The following FOCAD variants were observed in gnomAD, a reference collection of about 807,000 sequenced individuals.
FOCAD encodes the protein KIAA1797.
In FOCAD, 198 loss-of-function variants were observed where a neutral mutation model predicts 225.6. The ratio of observed to expected loss-of-function variants is 0.88; its 90% CI spans 0.78 to 0.99. The LOEUF (loss-of-function observed/expected upper bound fraction) is 0.99, where lower values mean the gene tolerates loss of function less well. Ranked by LOEUF, FOCAD falls within the 50% of genes least tolerant of loss-of-function variation. The probability of loss-of-function intolerance (pLI) is 0.00; values close to 1 mark genes in which losing one functional copy is unlikely to be tolerated. For synonymous variants in FOCAD, 897 were observed against 755.0 expected, an observed-to-expected ratio of 1.19 and a Z score of -3.08; for missense variants, 2,713 against 2,123.6, an observed-to-expected ratio of 1.28 and a Z score of -5.46.
intron 4 of FOCAD, among the ~76,000 whole-genome samples, chr9:20,730,522 C>T (rs948627759): frequency 2.6e-5 from 4 of 152,060 alleles, no homozygotes; most frequent in Non-Finnish European, 4.4e-5. Flanking sequence ...TCCTCTTCTC[C>T]TCTATTTTTA....
intron 19 of FOCAD, among the ~76,000 whole-genome samples, chr9:20,876,703 G>A (rs1830257409): frequency 6.6e-6 from 1 of 152,138 alleles, no homozygotes; most frequent in Admixed American, 6.6e-5. Context: ...AGTATAAAAA[G>A]TGTCCCTTTG....
intron 3 of FOCAD, 102 bp downstream of exon 3, chr9:20,717,970 A>G: frequency 1.2e-6 from 1 of 862,720 alleles, no homozygotes; most frequent in Non-Finnish European, 1.8e-6. Context: ...AGATCACAGT[A>G]GAAATGCTTT....
rs981072667 is a variant in FOCAD at position 20,883,211 on chromosome 9, A to T, written c.2503+1155A>T. ...AAAGAAGTCACTCTCTTTGGAAAAT[A>T]TCAATTCTAACTGGCCTACATGAAA... On this transcript the variant is annotated intron_variant, in intron 20 of 43. Transcript: ENST00000338382. Among the ~76,000 whole-genome samples, 75 of 152,226 alleles carry T rather than the reference A, an allele frequency of 4.9e-4. 4 individuals are homozygous for T. Among genetic ancestry groups the T allele is most frequent in the Non-Finnish European group, 1.3e-4 (9 of 68,038 alleles).
chr9:20,939,150 C>CAAAAAAAAAAAAGAAAAAAAAAAAAAA (rs1836359691), intron 28 of FOCAD, among the ~76,000 whole-genome samples: 1 of 72,498 alleles, frequency 1.4e-5, no homozygotes, highest in Non-Finnish European at 2.7e-5. Flanking sequence ...ACTCTCTTCT[C>CAAAAAAAAAAAAGAAAAAAAAAAAAAA]AAAAAAAAAA....
chr9:20,902,866 C>T (rs985863831), intron 21 of FOCAD, among the ~76,000 whole-genome samples: 4 of 151,666 alleles, frequency 2.6e-5, no homozygotes, highest in Non-Finnish European at 4.4e-5. Context: ...GAGTGGGTTT[C>T]GAATGATGAT....
intron 4 of FOCAD, among the ~76,000 whole-genome samples, chr9:20,739,799 C>T (rs1194382811): frequency 2.0e-5 from 3 of 151,996 alleles, no homozygotes; most frequent in African/African-American, 4.8e-5. Context: ...AGCTCTATTT[C>T]GATGGGGGTT....
At chr9:20,963,144 G>A (rs1180460251) in intron 35 of FOCAD, among the ~76,000 whole-genome samples, 2 of 152,148 alleles carry the variant, frequency 1.3e-5, no homozygotes, top group Non-Finnish European at 2.9e-5. Flanking sequence ...TTTTGTGAGT[G>A]TAGTTATACT....
chr9:20,710,453 C>G (rs1824747995), intron 1 of FOCAD, among the ~76,000 whole-genome samples: 1 of 151,672 alleles, frequency 6.6e-6, no homozygotes, highest in Admixed American at 6.6e-5. Context: ...AAAAATTAGC[C>G]AGGCGTGGTG....
intron 10 of FOCAD, among the ~76,000 whole-genome samples, chr9:20,787,497 C>G (rs1028854601): frequency 1.3e-5 from 2 of 152,050 alleles, no homozygotes; most frequent in African/African-American, 4.8e-5. Context: ...GTCTAAAAAC[C>G]TTGGCCATGG....
At chr9:20,748,005 A>G (rs1828208082) in intron 5 of FOCAD, among the ~76,000 whole-genome samples, 2 of 152,088 alleles carry the variant, frequency 1.3e-5, no homozygotes, top group East Asian at 1.9e-4. Flanking sequence ...AAAATCGACG[A>G]TCAGCTATTA....
chr9:20,866,916 T>TTTTTA lies in FOCAD; in HGVS notation c.2107-12_2107-11insTTTAT. The TTTTTA allele has an allele frequency of 1.1e-6, 1 of 885,978 alleles. No homozygotes were observed. Among genetic ancestry groups the TTTTTA allele is most frequent in the South Asian group, 1.7e-5 (1 of 57,898 alleles). 54.9% of individuals were successfully genotyped at this position (885,978 alleles called of 1,614,324 possible). A position where few individuals can be genotyped will look rare whatever the true frequency, so the allele number is the denominator to read the frequency against. On this transcript the variant is annotated splice_polypyrimidine_tract_variant and intron_variant, in intron 17 of 43. Transcript: ENST00000338382. ...TTTTTTTTTTTTTTTTTTTTTTTTT[T>TTTTTA]TACCCTATCTAGGACCCAATTGTAG...
At chr9:20,729,432 C>A (rs982303283) in intron 4 of FOCAD, among the ~76,000 whole-genome samples, 2 of 152,254 alleles carry the variant, frequency 1.3e-5, no homozygotes, top group Non-Finnish European at 2.9e-5. Flanking sequence ...ATTGGATTTA[C>A]GACCCACCTA....
At chr9:20,810,777 G>A (rs906691208) in intron 11 of FOCAD, among the ~76,000 whole-genome samples, 1 of 152,044 alleles carries the variant, frequency 6.6e-6, no homozygotes, top group Non-Finnish European at 1.5e-5. Context: ...ATAAAGTTTA[G>A]GCCAGGAAGG....
At chr9:20,665,951 A>G (rs1318092883) in intron 2 of FOCAD, among the ~76,000 whole-genome samples, 6 of 151,988 alleles carry the variant, frequency 3.9e-5, no homozygotes, top group Admixed American at 6.6e-5. Context: ...TTGGAGTGCA[A>G]TGGCGTGGTC....
At chr9:20,723,174 G>T (rs570537615) in intron 4 of FOCAD, among the ~76,000 whole-genome samples, 1 of 152,128 alleles carries the variant, frequency 6.6e-6, no homozygotes, top group South Asian at 2.1e-4. Flanking sequence ...GGGTAACCTT[G>T]GTTATTTTTA....
In FOCAD at chr9:20,744,352, C is replaced by A. The variant is rs566125454; in HGVS notation, c.392+4012C>A. On this transcript the variant is annotated intron_variant, in intron 5 of 43. Coordinates refer to ENST00000338382, the MANE Select transcript of FOCAD (RefSeq NM_001375567.1). ...GCTTTGAGAAACACTGGATTAGAATCATATGTAGTTAATGCAGCTCATATT... is the reference window on the plus strand; with the variant it reads ...GCTTTGAGAAACACTGGATTAGAATAATATGTAGTTAATGCAGCTCATATT... 9.2e-5 allele frequency among the ~76,000 whole-genome samples: 14 copies of A among 152,286 alleles called. No homozygotes were observed. In the South Asian group the frequency reaches 2.9e-3, roughly 32 times the overall value.
At chr9:20,885,712 A>G (rs769611295) in intron 21 of FOCAD, among the ~76,000 whole-genome samples, 1 of 152,156 alleles carries the variant, frequency 6.6e-6, no homozygotes, top group Non-Finnish European at 1.5e-5. Flanking sequence ...CTGTGATTCT[A>G]TTAGATGATT....
intron 42 of FOCAD, among the ~76,000 whole-genome samples, chr9:20,992,185 A>G (rs1272306371): frequency 6.6e-6 from 1 of 152,232 alleles, no homozygotes; most frequent in East Asian, 1.9e-4. Context: ...TATCTAATTC[A>G]AAAACAATTC....
intron 23 of FOCAD, among the ~76,000 whole-genome samples, chr9:20,914,781 C>G (rs1242880812): frequency 1.3e-5 from 2 of 152,176 alleles, no homozygotes; most frequent in East Asian, 3.9e-4. Context: ...GAATCTGACT[C>G]ATGATTTAAA....
Sources: allele counts gnomAD v4.1 joint callset (sites outside exome capture counted in the v4.1 genomes callset), GRCh38; gene constraint gnomAD v4.1.1; transcripts MANE v1.5; gene names NCBI Gene and HGNC (gene_info 2026-07-23, HGNC 2026-07-21).